Variants in ARFGAP2 observed in about 807,000 individuals in gnomAD.
ARFGAP2 encodes ARF GTPase activating protein 2, also known as ADP-ribosylation factor GTPase-activating protein 2.
ARFGAP2 carries 45 observed loss-of-function variants against 71.9 expected under a neutral mutation model. The observed-to-expected ratio is 0.63, with a 90% CI of 0.49 to 0.80. ARFGAP2 has a LOEUF of 0.80. Among genes scored for constraint, ARFGAP2 ranks in the 30% least tolerant of loss-of-function variants. The pLI, the probability that ARFGAP2 is intolerant of heterozygous loss-of-function variation, is 0.00. For missense variants in ARFGAP2, 633 were observed against 673.9 expected (o/e 0.94, Z 0.67); for synonymous variants, 248 against 249.2 (o/e 1.00, Z 0.05).
rs868628065 is a variant in ARFGAP2 at position 47,166,141 on chromosome 11, C to T, written c.1545+127G>A. ...AGCCTCCCAGTGCTGGGATTACAGG[C>T]GTGAGCCACCACACCCGGCCGAAAA... On this transcript the variant is annotated intron_variant, in intron 15 of 15. Coordinates refer to ENST00000524782, the MANE Select transcript of ARFGAP2 (RefSeq NM_032389.6). 37 of 905,500 alleles carry T rather than the reference C, an allele frequency of 4.1e-5. No individual in the cohort carries two copies. The South Asian group carries it at 4.9e-4, about 12-fold the overall frequency. The allele number at this position is 905,500 out of a possible 1,614,324, so 56.1% of individuals were successfully genotyped here. A position where few individuals can be genotyped will look rare whatever the true frequency, so the allele number is the denominator to read the frequency against.
chr11:47,165,529 A>AG, intron 15 of ARFGAP2, 27 bp from the exon 16 acceptor site: 1 of 1,557,594 alleles, frequency 6.4e-7, no homozygotes, highest in South Asian at 1.2e-5. Flanking sequence ...AGAAAAAAAA[A>AG]AAAAAAGTCA....
chr11:47,171,305 C>A, intron 10 of ARFGAP2, 121 bp downstream of exon 10: 2 of 1,479,216 alleles, frequency 1.4e-6, no homozygotes, highest in Non-Finnish European at 1.8e-6. Flanking sequence ...AACAATAAGC[C>A]AAGTGATCTA....
intron 10 of ARFGAP2, 61 bp downstream of exon 10, chr11:47,171,365 C>A: frequency 6.3e-7 from 1 of 1,599,800 alleles, no homozygotes. Flanking sequence ...GCTAGGAAGG[C>A]CCCGCAATGG....
chr11:47,165,493 C>T lies in ARFGAP2; in HGVS notation c.1555G>A (p.Gly519Ser), dbSNP rs142683966. The stretch of plus-strand genomic sequence containing the variant: ...TCACAGAGCTCGGATCAGTAGGAAC[C>T]GTAGCGATCCTGGGGGCGAGGGGGG... ...GVMNSLQDRY[G>S]SY The change falls in exon 16 of 16, where the codon GGT (glycine) becomes AGT (serine). Residue 519 changes from glycine (G) to serine (S), a missense_variant. Coordinates refer to ENST00000524782, the MANE Select transcript of ARFGAP2 (RefSeq NM_032389.6). The T allele has an allele frequency of 5.4e-3, 8,476 of 1,569,028 alleles. 34 individuals are homozygous for T. Among genetic ancestry groups the T allele is most frequent in the Non-Finnish European group, 6.7e-3 (7,784 of 1,158,064 alleles).
chr11:47,176,594 C>A lies in ARFGAP2; in HGVS notation c.113G>T (p.Ser38Ile). Reference protein sequence around the residue: ...DCGAKNPSWASITYGVFLCID... With the variant: ...DCGAKNPSWAIITYGVFLCID... ...GCACAAGAAAACACCGTACGTGATG[C>A]TGGCCCAACTCGGATTCTTGGCGCC... The change falls in exon 2 of 16, where the codon AGC (serine) becomes ATC (isoleucine). Residue 38 changes from serine to isoleucine, a missense_variant. By Grantham distance (142) the Ser-to-Ile change is moderately radical. Coordinates refer to ENST00000524782, the MANE Select transcript of ARFGAP2 (RefSeq NM_032389.6). 1.2e-6 allele frequency: 2 copies of A among 1,614,154 alleles called. No individual in the cohort carries two copies. The highest frequency in any genetic ancestry group is 1.7e-6 in the Non-Finnish European group (2 of 1,180,042).
At position 47,168,191 on chromosome 11, in the gene ARFGAP2, A is replaced by G. The variant is rs1424357407; in HGVS notation, c.1002T>C (p.Ser334=). The G allele has an allele frequency of 6.2e-7, 1 of 1,614,202 alleles. No individual in the cohort carries two copies. Among genetic ancestry groups the G allele is most frequent in the Admixed American group, 1.7e-5 (1 of 60,022 alleles). ...MQVIEQETPV[S]AKSSRSQLDL... Reference sequence around the variant, plus strand: ...CCAGCTGCGAGCGAGAGGATTTTGCACTCACTGGGGTTTCCTGCTCAATCA... The same window carrying G: ...CCAGCTGCGAGCGAGAGGATTTTGCGCTCACTGGGGTTTCCTGCTCAATCA... The change falls in exon 11 of 16, where the codon AGT becomes AGC. Residue 334 remains serine (S), a synonymous_variant. Transcript: ENST00000524782.
chr11:47,173,911 A>G (rs1952692506), intron 5 of ARFGAP2, 71 bp from the exon 6 acceptor site: 1 of 1,547,742 alleles, frequency 6.5e-7, no homozygotes. Flanking sequence ...AAGACCTACA[A>G]GCACCTTGTG....
chr11:47,173,659 G>A (rs1040446990), intron 6 of ARFGAP2, 100 bp downstream of exon 6: 10 of 1,459,384 alleles, frequency 6.9e-6, no homozygotes, highest in African/African-American at 2.8e-5. Context: ...AAAGATACAG[G>A]AGGACCCCTG....
At chr11:47,173,119 G>A in intron 7 of ARFGAP2, 1 of 436,326 alleles carries the variant, frequency 2.3e-6, no homozygotes, top group Non-Finnish European at 4.2e-6. Context: ...CCCTGCCTCA[G>A]AGCCCAGGGA....
At chr11:47,174,032 C>T in intron 5 of ARFGAP2, 192 bp from the exon 6 acceptor site, 1 of 1,035,902 alleles carries the variant, frequency 9.7e-7, no homozygotes, top group South Asian at 1.5e-5. Flanking sequence ...GCCCCCACCC[C>T]AACCCCTTCA....
In ARFGAP2 at chr11:47,174,894, G is replaced by A. The variant is rs1022777123; in HGVS notation, c.480+121C>T. 134 of 1,028,352 alleles carry A rather than the reference G, an allele frequency of 1.3e-4. No individual in the cohort carries two copies. In the East Asian group the frequency reaches 3.0e-3, roughly 23 times the overall value. 63.7% of individuals were successfully genotyped at this position (1,028,352 alleles called of 1,614,324 possible). A position where few individuals can be genotyped will look rare whatever the true frequency, so the allele number is the denominator to read the frequency against. The stretch of plus-strand genomic sequence containing the variant: ...CCAGCAGGAACAGTGGACTTCATAC[G>A]TGGTGTCCAAGACATCACATCAAAG... On this transcript the variant is annotated intron_variant, in intron 5 of 15. Transcript: ENST00000524782.
chr11:47,170,131 C>G (rs1374943665), intron 10 of ARFGAP2, among the ~76,000 whole-genome samples: 1 of 152,078 alleles, frequency 6.6e-6, no homozygotes, highest in Non-Finnish European at 1.5e-5. Context: ...TTTACACCAG[C>G]CTGGGCAACA....
chr11:47,165,261 T>C lies in ARFGAP2; in HGVS notation c.*221A>G, dbSNP rs529684135. The stretch of plus-strand genomic sequence containing the variant: ...CAAGAGTCTAACACACGGAGGGTGG[T>C]GTGAGAGGGAATAAAGGGCTCAGTC... On this transcript the variant is annotated 3_prime_UTR_variant, in exon 16 of 16. Coordinates refer to ENST00000524782, the MANE Select transcript of ARFGAP2 (RefSeq NM_032389.6). The C allele has an allele frequency of 2.1e-5, 9 of 435,058 alleles. No homozygotes were observed. The allele number at this position is 435,058 out of a possible 1,614,324, so 26.9% of individuals were successfully genotyped here.
chr11:47,176,775 C>T lies in ARFGAP2; in HGVS notation c.72+7G>A, dbSNP rs946587129. The stretch of plus-strand genomic sequence containing the variant: ...CGAGAGACTCCGCGCGCCCCCTGCT[C>T]ACGCACCTTGTTGGTTGGAACTGCG... On this transcript the variant is annotated splice_region_variant and intron_variant, in intron 1 of 15. Coordinates refer to ENST00000524782, the MANE Select transcript of ARFGAP2 (RefSeq NM_032389.6). The T allele has an allele frequency of 1.2e-6, 2 of 1,614,172 alleles. No individual in the cohort carries two copies. The highest frequency in any genetic ancestry group is 8.5e-7 in the Non-Finnish European group (1 of 1,180,038).
At chr11:47,166,994 G>T in intron 12 of ARFGAP2, 108 bp from the exon 13 acceptor site, 1 of 1,370,680 alleles carries the variant, frequency 7.3e-7, no homozygotes, top group Non-Finnish European at 9.9e-7. Context: ...GGGTTACCAG[G>T]TCCCATTCTG....
chr11:47,164,517 G>A lies in ARFGAP2; in HGVS notation c.*965C>T, dbSNP rs1256836318. 3 of 289,216 alleles carry A rather than the reference G, an allele frequency of 1.0e-5. No homozygotes were observed. The highest frequency in any genetic ancestry group is 2.0e-5 in the Non-Finnish European group (3 of 152,208). 17.9% of individuals were successfully genotyped at this position (289,216 alleles called of 1,614,324 possible). On this transcript the variant is annotated 3_prime_UTR_variant, in exon 16 of 16. Coordinates refer to ENST00000524782, the MANE Select transcript of ARFGAP2 (RefSeq NM_032389.6). ...GGGGAAGATGGCACCAAGAATGACA[G>A]TGCTTGGCTCAGCTGCCAGAGGGTG... is the stretch of plus-strand genomic sequence containing the variant.
Position 47,175,932 on chromosome 11 carries a change from A to G in ARFGAP2, c.192-9T>C. 6.2e-7 allele frequency: 1 copy of G among 1,613,958 alleles called. No homozygotes were observed. The highest frequency in any genetic ancestry group is 1.7e-4 in the Middle Eastern group (1 of 6,030). On this transcript the variant is annotated splice_polypyrimidine_tract_variant and intron_variant, in intron 2 of 15. Transcript: ENST00000524782. ...AATCCAACTCTGTGGACCTGTGTAC[A>G]AGGGCTGCGTCTCACCCACTAGCAG...
At chr11:47,165,561 T>C (rs1952321278) in intron 15 of ARFGAP2, 59 bp from the exon 16 acceptor site, 4 of 1,499,964 alleles carry the variant, frequency 2.7e-6, no homozygotes, top group African/African-American at 1.4e-5. Context: ...CTGCAGCAGC[T>C]TCCCAGCAAA....
Position 47,164,564 on chromosome 11 carries a change from G to A in ARFGAP2, c.*918C>T, listed in dbSNP as rs924186931. 7 of 215,306 alleles carry A rather than the reference G, an allele frequency of 3.3e-5. No homozygotes were observed. The highest frequency in any genetic ancestry group is 9.3e-5 in the African/African-American group (4 of 43,080). 13.3% of individuals were successfully genotyped at this position (215,306 alleles called of 1,614,324 possible). ...GGTGAGGCCCACAGCTCTCACTGGCGGGTGCTGTCCAGGCCAAGCCCAGAA... is the reference window on the plus strand; with the variant it reads ...GGTGAGGCCCACAGCTCTCACTGGCAGGTGCTGTCCAGGCCAAGCCCAGAA... On this transcript the variant is annotated 3_prime_UTR_variant, in exon 16 of 16. Coordinates refer to ENST00000524782, the MANE Select transcript of ARFGAP2 (RefSeq NM_032389.6).
Sources: allele counts gnomAD v4.1 joint callset (sites outside exome capture counted in the v4.1 genomes callset), GRCh38; gene constraint gnomAD v4.1.1; transcripts MANE v1.5; gene names NCBI Gene and HGNC (gene_info 2026-07-23, HGNC 2026-07-21).